Variants in SESN3 observed in about 807,000 individuals in gnomAD.
The protein encoded by SESN3 is sestrin 3, also known as sestrin-3.
A neutral mutation model predicts 55.3 loss-of-function variants in SESN3; 21 were observed. The ratio of observed to expected loss-of-function variants is 0.38; its 90% CI spans 0.27 to 0.55. The LOEUF is 0.55. Among genes scored for constraint, SESN3 ranks in the 20% least tolerant of loss-of-function variants. The probability of loss-of-function intolerance (pLI) is 0.76; values close to 1 mark genes in which losing one functional copy is unlikely to be tolerated. For synonymous variants in SESN3, 181 were observed against 203.1 expected (o/e 0.89, Z 0.93); for missense variants, 408 against 604.3 (o/e 0.68, Z 3.41).
In SESN3 at chr11:95,173,137, G is replaced by A. The variant is rs533718772; in HGVS notation, c.*118C>T. 27 of 516,714 alleles carry A rather than the reference G, an allele frequency of 5.2e-5. No individual in the cohort carries two copies. Among genetic ancestry groups the A allele is most frequent in the East Asian group, 1.2e-4 (4 of 33,044 alleles). The allele number at this position is 516,714 out of a possible 1,614,324, so 32.0% of individuals were successfully genotyped here. ...AAAAAACAAAAAAAAAAAAACAAACGGCTAAACTTTGACACTAGAGAACTG... is the reference window on the plus strand; with the variant it reads ...AAAAAACAAAAAAAAAAAAACAAACAGCTAAACTTTGACACTAGAGAACTG... On this transcript the variant is annotated 3_prime_UTR_variant, in exon 10 of 10. Coordinates refer to ENST00000536441, the MANE Select transcript of SESN3 (RefSeq NM_144665.4).
intron 1 of SESN3, among the ~76,000 whole-genome samples, chr11:95,208,313 G>A (rs959099319): frequency 1.3e-5 from 2 of 151,388 alleles, no homozygotes; most frequent in Non-Finnish European, 2.9e-5. Context: ...TACTGGTCCT[G>A]TATATATTAG....
At chr11:95,188,591 A>G (rs542302037) in intron 4 of SESN3, among the ~76,000 whole-genome samples, 1 of 152,032 alleles carries the variant, frequency 6.6e-6, no homozygotes, top group South Asian at 2.1e-4. Flanking sequence ...TATTCTTCCA[A>G]TATACCATAA....
Position 95,185,436 on chromosome 11 carries a change from C to A in SESN3, c.582G>T (p.Val194=). The change falls in exon 5 of 10, where the codon GTG becomes GTT. Residue 194 remains valine, a synonymous_variant. Transcript: ENST00000536441. ...AAGCATGATAATGTGCCAGGAGGAC[C>A]ACAGCATGTACCAGTTCAGGCAGAG... ...NWSLPELVHA[V]VLLAHYHALA... is the part of the protein sequence containing the mutation. 1 of 1,613,174 alleles carries A rather than the reference C, an allele frequency of 6.2e-7. No homozygotes were observed. The highest frequency in any genetic ancestry group is 8.5e-7 in the Non-Finnish European group (1 of 1,179,420).
At chr11:95,193,180 G>T (rs1444027198) in intron 2 of SESN3, among the ~76,000 whole-genome samples, 1 of 151,916 alleles carries the variant, frequency 6.6e-6, no homozygotes, top group East Asian at 1.9e-4. Flanking sequence ...AGGTGGGAAG[G>T]TCACTAAAAA....
chr11:95,230,567 C>A lies in SESN3; in HGVS notation c.78+216G>T. 1.9e-6 allele frequency: 1 copy of A among 535,344 alleles called. No individual in the cohort carries two copies. 33.2% of individuals were successfully genotyped at this position (535,344 alleles called of 1,614,324 possible). On this transcript the variant is annotated intron_variant, in intron 1 of 9. Transcript: ENST00000536441. The surrounding 1 kb of genome is among the most constrained non-coding windows in gnomAD (Gnocchi z 4.6). ...AACAAGGGAAGAAAAAATATCCCAA[C>A]CCCTCCAGACTTGGGTCTGTCCCGG...
chr11:95,209,010 G>A lies in SESN3; in HGVS notation c.79-15488C>T, dbSNP rs1053471825. Among the ~76,000 whole-genome samples the A allele has an allele frequency of 7.9e-5, 12 of 151,448 alleles. No individual in the cohort carries two copies. The East Asian group carries it at 2.3e-3, about 29-fold the overall frequency. ...AATACCATTCAGGACACAGGCATGG[G>A]CAAAGACTTCATGACTAAAACACCA... On this transcript the variant is annotated intron_variant, in intron 1 of 9. Transcript: ENST00000536441.
At chr11:95,207,716 A>G (rs969906161) in intron 1 of SESN3, among the ~76,000 whole-genome samples, 5 of 150,422 alleles carry the variant, frequency 3.3e-5, no homozygotes, top group Non-Finnish European at 5.9e-5. Flanking sequence ...AAAAAGGTCT[A>G]TTGTAGATAT....
intron 2 of SESN3, among the ~76,000 whole-genome samples, 158 bp downstream of exon 2, chr11:95,193,299 G>C (rs1158079952): frequency 2.6e-5 from 4 of 152,108 alleles, no homozygotes; most frequent in Non-Finnish European, 5.9e-5. Context: ...AAATATTTGT[G>C]AAGCTGAAAA....
chr11:95,217,560 G>A (rs1321664398), intron 1 of SESN3, among the ~76,000 whole-genome samples: 1 of 151,522 alleles, frequency 6.6e-6, no homozygotes, highest in Non-Finnish European at 1.5e-5. Flanking sequence ...GCTGAGGCAG[G>A]AGAATTGCTT....
At chr11:95,215,604 C>T (rs1018297354) in intron 1 of SESN3, among the ~76,000 whole-genome samples, 47 of 152,034 alleles carry the variant, frequency 3.1e-4, no homozygotes, top group Admixed American at 4.6e-4. Context: ...ATGTAGTAAA[C>T]GGTCTGTGTC....
chr11:95,202,058 G>T (rs1488368668), intron 1 of SESN3, among the ~76,000 whole-genome samples: 1 of 151,726 alleles, frequency 6.6e-6, no homozygotes, highest in African/African-American at 2.4e-5. Flanking sequence ...AACTCCCAAG[G>T]TTTCCTATGA....
chr11:95,219,534 C>T lies in SESN3; in HGVS notation c.78+11249G>A, dbSNP rs186040111. 2.5e-3 allele frequency among the ~76,000 whole-genome samples: 386 copies of T among 152,230 alleles called. 1 individual carries two copies. Among genetic ancestry groups the T allele is most frequent in the Non-Finnish European group, 4.5e-3 (309 of 68,008 alleles). On this transcript the variant is annotated intron_variant, in intron 1 of 9. Coordinates refer to ENST00000536441, the MANE Select transcript of SESN3 (RefSeq NM_144665.4). ...CAAATATGCCACCCCACTTAAAATT[C>T]ACCATGCTGAGCCCAAACCTTGGTC...
At chr11:95,196,505 T>G (rs1860363322) in intron 1 of SESN3, among the ~76,000 whole-genome samples, 1 of 152,100 alleles carries the variant, frequency 6.6e-6, no homozygotes, top group Non-Finnish European at 1.5e-5. Flanking sequence ...CTGGTCAAAT[T>G]ATAATGCCTT....
intron 1 of SESN3, among the ~76,000 whole-genome samples, chr11:95,209,999 A>T (rs945284226): frequency 1.4e-5 from 2 of 146,492 alleles, no homozygotes; most frequent in African/African-American, 5.0e-5. Context: ...CCTGGGCAAC[A>T]AGAGTGAAAC....
intron 4 of SESN3, 34 bp downstream of exon 4, chr11:95,189,744 CA>C (rs1400324926): frequency 6.6e-7 from 1 of 1,515,740 alleles, no homozygotes; most frequent in Admixed American, 2.0e-5. Flanking sequence ...AAGTCCTAAG[CA>C]AATTCCTTTT....
intron 6 of SESN3, chr11:95,184,056 G>T (rs1476780408): frequency 1.1e-5 from 3 of 283,334 alleles, no homozygotes; most frequent in African/African-American, 2.2e-5. Context: ...AAAAAAGGCA[G>T]TTTTTTTTAA....
In SESN3 at chr11:95,173,212, G is replaced by T. The variant is rs1326253563; in HGVS notation, c.*43C>A. On this transcript the variant is annotated 3_prime_UTR_variant, in exon 10 of 10. Transcript: ENST00000536441. Reference sequence around the variant, plus strand: ...AATAGCTTCAATGTTTATCTTATGTGAAAGGTCTTTACACATGTATGACAT... The same window carrying T: ...AATAGCTTCAATGTTTATCTTATGTTAAAGGTCTTTACACATGTATGACAT... 1.7e-6 allele frequency: 2 copies of T among 1,151,698 alleles called. No homozygotes were observed. The highest frequency in any genetic ancestry group is 2.4e-5 in the East Asian group (1 of 41,944). 71.3% of individuals were successfully genotyped at this position (1,151,698 alleles called of 1,614,324 possible).
intron 1 of SESN3, chr11:95,201,136 A>T (rs1041056196): frequency 6.6e-6 from 1 of 152,066 alleles, no homozygotes; most frequent in Admixed American, 6.6e-5. Flanking sequence ...ATGATTAAGT[A>T]ACTTTCATAA....
Position 95,172,292 on chromosome 11 carries a change from GC to G in SESN3, c.*962del, listed in dbSNP as rs1859866216. 6.6e-6 allele frequency: 1 copy of G among 152,000 alleles called. No individual in the cohort carries two copies. Among genetic ancestry groups the G allele is most frequent in the Non-Finnish European group, 1.5e-5 (1 of 67,952 alleles). The allele number at this position is 152,000 out of a possible 1,614,324, so 9.4% of individuals were successfully genotyped here. On this transcript the variant is annotated 3_prime_UTR_variant, in exon 10 of 10. Transcript: ENST00000536441. ...TCTAAAAGCCTAACAGGAAAAATAG[GC>G]ATATTAACCTTCCTTTGCTTAACGA...
Sources: allele counts gnomAD v4.1 joint callset (sites outside exome capture counted in the v4.1 genomes callset), GRCh38; gene constraint gnomAD v4.1.1; non-coding constraint Gnocchi (gnomAD v3.1); transcripts MANE v1.5; gene names NCBI Gene and HGNC (gene_info 2026-07-23, HGNC 2026-07-21).